NPAS3: variants seen among roughly 807,000 people sequenced by gnomAD.
NPAS3 encodes neuronal PAS domain protein 3.
In NPAS3, 14 loss-of-function variants were observed where a neutral mutation model predicts 73.1. That is an observed-to-expected ratio of 0.19 (90% CI 0.13 to 0.30). The LOEUF (loss-of-function observed/expected upper bound fraction) is 0.30, where lower values mean the gene tolerates loss of function less well. NPAS3 is among the 10% of genes least tolerant of loss of function. The pLI is 1.00. For missense variants in NPAS3, 1,096 were observed against 1,250.0 expected, an observed-to-expected ratio of 0.88 and a Z score of 1.86; for synonymous variants, 620 against 541.5, an observed-to-expected ratio of 1.14 and a Z score of -2.01.
chr14:33,194,670 G>T (rs958118842), intron 2 of NPAS3, among the ~76,000 whole-genome samples: 2 of 152,062 alleles, frequency 1.3e-5, no homozygotes, highest in East Asian at 3.8e-4. Context: ...ATTCGATTAC[G>T]TGTCAATGAG....
At chr14:33,047,736 G>A (rs938748929) in intron 1 of NPAS3, among the ~76,000 whole-genome samples, 1 of 152,154 alleles carries the variant, frequency 6.6e-6, no homozygotes, top group East Asian at 1.9e-4. Context: ...CAAATGTGAA[G>A]GGTGCTGTCC....
intron 3 of NPAS3, among the ~76,000 whole-genome samples, chr14:33,226,549 A>G (rs1238907307): frequency 6.6e-6 from 1 of 152,176 alleles, no homozygotes; most frequent in African/African-American, 2.4e-5. Flanking sequence ...GTCTATATAA[A>G]ATGAATAAAT....
chr14:33,457,727 G>A (rs554808168), intron 4 of NPAS3, among the ~76,000 whole-genome samples: 10 of 152,064 alleles, frequency 6.6e-5, no homozygotes, highest in African/African-American at 1.4e-4. Flanking sequence ...CAAATCCCTC[G>A]CTGTAGCCTT....
intron 5 of NPAS3, among the ~76,000 whole-genome samples, chr14:33,620,853 G>A (rs1225752185): frequency 6.6e-6 from 1 of 152,110 alleles, no homozygotes; most frequent in African/African-American, 2.4e-5. Flanking sequence ...ACAAAGGATG[G>A]TCCAGAAAAT....
At chr14:33,787,010 T>C (rs1267409158) in intron 9 of NPAS3, among the ~76,000 whole-genome samples, 1 of 151,928 alleles carries the variant, frequency 6.6e-6, no homozygotes, top group African/African-American at 2.4e-5. Flanking sequence ...AATTCCATGT[T>C]GAGGAGTTCA....
chr14:33,168,241 G>A (rs981498762), intron 2 of NPAS3, among the ~76,000 whole-genome samples: 2 of 152,096 alleles, frequency 1.3e-5, no homozygotes, highest in African/African-American at 4.8e-5. Context: ...AGAAATCCTG[G>A]GATAGTTGCA....
chr14:33,688,315 A>C (rs1166336226), intron 6 of NPAS3, among the ~76,000 whole-genome samples: 1 of 152,206 alleles, frequency 6.6e-6, no homozygotes, highest in Non-Finnish European at 1.5e-5. Context: ...GCTTAGTAAA[A>C]ATTTGAAATT....
chr14:33,771,578 G>A (rs1244874364), intron 7 of NPAS3, among the ~76,000 whole-genome samples: 15 of 152,206 alleles, frequency 9.9e-5, no homozygotes, highest in African/African-American at 2.9e-4. Context: ...TTGGGAGGCC[G>A]AGGCAGGAGG....
intron 6 of NPAS3, among the ~76,000 whole-genome samples, chr14:33,698,662 T>A (rs1047100355): frequency 2.0e-5 from 3 of 152,208 alleles, no homozygotes; most frequent in Non-Finnish European, 4.4e-5. Context: ...TAAAAGCCCC[T>A]GACATACTTC....
chr14:33,075,726 T>C (rs1007945143), intron 2 of NPAS3, among the ~76,000 whole-genome samples: 47 of 152,202 alleles, frequency 3.1e-4, no homozygotes, highest in Admixed American at 7.2e-4. Flanking sequence ...AAAATATTTG[T>C]TTAGGGAGAT....
chr14:33,286,464 T>C (rs969549050), intron 3 of NPAS3, among the ~76,000 whole-genome samples: 10 of 152,208 alleles, frequency 6.6e-5, no homozygotes, highest in Admixed American at 5.9e-4. Context: ...GATAATGGCA[T>C]TGTGCTGTGT....
intron 3 of NPAS3, among the ~76,000 whole-genome samples, chr14:33,284,609 C>T (rs2041786703): frequency 1.3e-5 from 2 of 151,994 alleles, no homozygotes; most frequent in Non-Finnish European, 2.9e-5. Flanking sequence ...CAACTCATTA[C>T]CTTCAAAATG....
At chr14:33,781,405 A>C (rs1454438686) in intron 9 of NPAS3, among the ~76,000 whole-genome samples, 1 of 152,272 alleles carries the variant, frequency 6.6e-6, no homozygotes, top group Non-Finnish European at 1.5e-5. Flanking sequence ...AACCAAAGCC[A>C]GCCCAGTAAC....
intron 5 of NPAS3, among the ~76,000 whole-genome samples, chr14:33,568,020 C>T (rs970961472): frequency 1.3e-5 from 2 of 152,036 alleles, no homozygotes; most frequent in South Asian, 2.1e-4. Context: ...ATGTATGAAT[C>T]GAAAACCTAC....
At chr14:33,676,646 A>T (rs1298570263) in intron 6 of NPAS3, among the ~76,000 whole-genome samples, 1 of 152,216 alleles carries the variant, frequency 6.6e-6, no homozygotes, top group Non-Finnish European at 1.5e-5. Flanking sequence ...CTTTCAAATT[A>T]CTAGAGGGAA....
At chr14:33,782,869 C>T in intron 9 of NPAS3, among the ~76,000 whole-genome samples, 1 of 151,272 alleles carries the variant, frequency 6.6e-6, no homozygotes, top group East Asian at 1.9e-4. Flanking sequence ...TTCTTAATTA[C>T]AAACTTCTAT....
chr14:33,371,051 G>A (rs370307412), intron 4 of NPAS3, among the ~76,000 whole-genome samples: 21 of 152,232 alleles, frequency 1.4e-4, no homozygotes, highest in African/African-American at 2.6e-4. Context: ...ATGATGTGGA[G>A]CAAAGAGAGG....
intron 6 of NPAS3, among the ~76,000 whole-genome samples, chr14:33,727,661 A>G (rs1192775437): frequency 6.6e-6 from 1 of 152,010 alleles, no homozygotes; most frequent in African/African-American, 2.4e-5. Flanking sequence ...AAAGAAATAG[A>G]AAGGGGGGAA....
At chr14:33,750,215 CTT>C (rs528359092) in intron 7 of NPAS3, among the ~76,000 whole-genome samples, 272 of 144,988 alleles carry the variant, frequency 1.9e-3, no homozygotes, top group African/African-American at 6.4e-3. Flanking sequence ...TCAGCTATTC[CTT>C]TTTTTTTTTT....
Sources: gnomAD v4.1 joint callset for allele counts (sites outside exome capture counted in the v4.1 genomes callset) on GRCh38, gnomAD v4.1.1 for gene constraint, MANE v1.5 for transcripts, NCBI Gene and HGNC (gene_info 2026-07-23, HGNC 2026-07-21) for gene names.